The following PRKCH variants were observed in gnomAD, a reference collection of about 807,000 sequenced individuals.
PRKCH encodes protein kinase C eta.
A neutral mutation model predicts 82.5 loss-of-function variants in PRKCH; 28 were observed. The ratio of observed to expected loss-of-function variants is 0.34; its 90% CI spans 0.25 to 0.47. PRKCH has a LOEUF of 0.47. Among genes scored for constraint, PRKCH ranks in the 20% least tolerant of loss-of-function variants. The pLI, the probability that PRKCH is intolerant of heterozygous loss-of-function variation, is 1.00. For synonymous variants in PRKCH, 322 were observed against 327.4 expected (o/e 0.98, Z 0.18); for missense variants, 705 against 881.8 (o/e 0.80, Z 2.54).
chr14:61,478,587 T>G (rs1240969176), intron 9 of PRKCH, among the ~76,000 whole-genome samples: 1 of 152,184 alleles, frequency 6.6e-6, no homozygotes, highest in Non-Finnish European at 1.5e-5. Context: ...AATGGGTGTG[T>G]GTGCCATGCA....
rs138337766 is a variant in PRKCH at position 61,280,758 on chromosome 14, G to A, written c.-19+93090G>A. On this transcript the variant is annotated intron_variant, in intron 1 of 3. Coordinates refer to the PRKCH transcript ENST00000555185. The surrounding 1 kb of genome is among the most constrained non-coding windows in gnomAD (Gnocchi z 5.0). ...CGCTGGGGAGTCCGCTCAGCTGCGC[G>A]TCGTCGCGGGACACGCCGTAGCGCC... 5.1e-6 allele frequency: 8 copies of A among 1,560,406 alleles called. No homozygotes were observed. The highest frequency in any genetic ancestry group is 4.1e-5 in the African/African-American group (3 of 73,860).
intron 2 of PRKCH, among the ~76,000 whole-genome samples, chr14:61,419,862 G>C (rs1020118461): frequency 6.6e-6 from 1 of 152,224 alleles, no homozygotes; most frequent in Non-Finnish European, 1.5e-5. Context: ...TAGCATAAGG[G>C]AAGAGTCGAA....
At chr14:61,439,082 G>C (rs1379845436) in intron 2 of PRKCH, among the ~76,000 whole-genome samples, 1 of 151,782 alleles carries the variant, frequency 6.6e-6, no homozygotes, top group African/African-American at 2.4e-5. Flanking sequence ...AGTTTTGGCT[G>C]CAGAGCATGT....
At chr14:61,366,174 A>G (rs1349161857) in intron 1 of PRKCH, among the ~76,000 whole-genome samples, 1 of 152,082 alleles carries the variant, frequency 6.6e-6, no homozygotes, top group Non-Finnish European at 1.5e-5. Context: ...GACAGTAAAA[A>G]TCGTACACTT....
rs533804052 is a variant in PRKCH at position 61,235,386 on chromosome 14, TA to T, written c.-19+47719del. Among the ~76,000 whole-genome samples the T allele has an allele frequency of 7.9e-5, 12 of 152,366 alleles. No individual in the cohort carries two copies. The South Asian group carries it at 2.3e-3, about 29-fold the overall frequency. On this transcript the variant is annotated intron_variant, in intron 1 of 3. Coordinates refer to the PRKCH transcript ENST00000555185. Reference sequence around the variant, plus strand: ...AGTGGCATCATTCCCAACGGTATGTTATCCATTCACCGTGAAACTGCCATCC... The same window carrying T: ...AGTGGCATCATTCCCAACGGTATGTTTCCATTCACCGTGAAACTGCCATCC...
intron 1 of PRKCH, among the ~76,000 whole-genome samples, chr14:61,222,222 T>A (rs987552051): frequency 6.6e-6 from 1 of 152,246 alleles, no homozygotes; most frequent in African/African-American, 2.4e-5. Flanking sequence ...GTTTTAATCA[T>A]GAAATTAGTG....
At chr14:61,225,535 A>G (rs1039943402) in intron 1 of PRKCH, among the ~76,000 whole-genome samples, 1 of 152,236 alleles carries the variant, frequency 6.6e-6, no homozygotes, top group Non-Finnish European at 1.5e-5. Flanking sequence ...AAGGGCTCAC[A>G]GGCCACGCAG....
intron 1 of PRKCH, among the ~76,000 whole-genome samples, chr14:61,250,850 A>G (rs1258454277): frequency 6.6e-6 from 1 of 152,110 alleles, no homozygotes; most frequent in Non-Finnish European, 1.5e-5. Context: ...GGAACTCTCT[A>G]TATTTTCTGC....
At chr14:61,305,793 C>G (rs1236583527) in intron 1 of PRKCH, 1 of 152,208 alleles carries the variant, frequency 6.6e-6, no homozygotes, top group Non-Finnish European at 1.5e-5. Context: ...AAGACCTCAT[C>G]TGCTAATTCC....
At chr14:61,263,324 T>A (rs1274005478) in intron 1 of PRKCH, among the ~76,000 whole-genome samples, 1 of 152,190 alleles carries the variant, frequency 6.6e-6, no homozygotes, top group Non-Finnish European at 1.5e-5. Context: ...TATGAAAAAA[T>A]GTGCTATACA....
At chr14:61,471,574 A>T (rs988650061) in intron 9 of PRKCH, among the ~76,000 whole-genome samples, 1 of 151,906 alleles carries the variant, frequency 6.6e-6, no homozygotes, top group African/African-American at 2.4e-5. Context: ...GTACCCTTCC[A>T]CATTGCTCAG....
intron 12 of PRKCH, among the ~76,000 whole-genome samples, chr14:61,535,525 G>A (rs184696645): frequency 2.0e-5 from 3 of 152,176 alleles, no homozygotes; most frequent in African/African-American, 7.2e-5. Flanking sequence ...CATTTGAGTA[G>A]CTCAATGGCA....
intron 2 of PRKCH, among the ~76,000 whole-genome samples, chr14:61,433,819 A>G (rs960936231): frequency 7.9e-5 from 12 of 152,254 alleles, no homozygotes; most frequent in Non-Finnish European, 1.8e-4. Flanking sequence ...TCATTAATTT[A>G]AGACTGTAGA....
intron 1 of PRKCH, among the ~76,000 whole-genome samples, chr14:61,376,930 T>C (rs1459668621): frequency 1.3e-5 from 2 of 152,238 alleles, no homozygotes; most frequent in Admixed American, 6.5e-5. Flanking sequence ...ATCTGTCTCT[T>C]TCCCCATGTT....
intron 5 of PRKCH, among the ~76,000 whole-genome samples, chr14:61,449,857 T>C (rs1414527508): frequency 2.8e-5 from 3 of 105,322 alleles, no homozygotes; most frequent in Admixed American, 2.4e-4. Flanking sequence ...AGGGAAGATG[T>C]CTCTCTCTCT....
intron 10 of PRKCH, among the ~76,000 whole-genome samples, chr14:61,513,418 G>A (rs1196007585): frequency 6.6e-6 from 1 of 152,106 alleles, no homozygotes; most frequent in Non-Finnish European, 1.5e-5. Context: ...CACCATTGGA[G>A]CACAGGCGGA....
At chr14:61,318,453 C>G (rs2140113714), upstream of PRKCH, among the ~76,000 whole-genome samples, 1 of 151,346 alleles carries the variant, frequency 6.6e-6, no homozygotes, top group African/African-American at 2.4e-5. Context: ...CATCCCCCCA[C>G]CTTGTCCTCC....
chr14:61,388,711 T>C (rs1006047690), intron 1 of PRKCH, among the ~76,000 whole-genome samples: 81 of 152,232 alleles, frequency 5.3e-4, no homozygotes, highest in African/African-American at 1.9e-3. Context: ...GAGGCTGATA[T>C]CCTGTTTAGT....
intron 2 of PRKCH, among the ~76,000 whole-genome samples, chr14:61,440,690 A>T (rs911005314): frequency 3.3e-5 from 5 of 152,074 alleles, no homozygotes; most frequent in Admixed American, 1.3e-4. Flanking sequence ...CCTGGCCAAC[A>T]TGGTGAAACC....
Sources: gnomAD v4.1 joint callset for allele counts (sites outside exome capture counted in the v4.1 genomes callset) on GRCh38, gnomAD v4.1.1 for gene constraint, Gnocchi (gnomAD v3.1) non-coding constraint, MANE v1.5 for transcripts, NCBI Gene and HGNC (gene_info 2026-07-23, HGNC 2026-07-21) for gene names.